LRP2: variants seen among roughly 807,000 people sequenced by gnomAD.
The protein encoded by LRP2 is low-density lipoprotein receptor-related protein 2.
LRP2 carries 172 observed loss-of-function variants against 531.0 expected under a neutral mutation model. That is an observed-to-expected ratio of 0.32 (90% confidence interval 0.29 to 0.37). The LOEUF is 0.37. LRP2 is among the 10% of genes least tolerant of loss of function. LRP2 has a pLI of 1.00. For missense variants in LRP2, 5,167 were observed against 5,868.3 expected (o/e 0.88, Z 3.90); for synonymous variants, 1,992 against 2,027.6 (o/e 0.98, Z 0.47).
In LRP2 at chr2:169,175,181, G is replaced by T. The variant is rs17848185; in HGVS notation, c.10768+12C>A. 1.2e-6 allele frequency: 2 copies of T among 1,613,626 alleles called. No individual in the cohort carries two copies. Among genetic ancestry groups the T allele is most frequent in the Non-Finnish European group, 1.7e-6 (2 of 1,179,736 alleles). On this transcript the variant is annotated intron_variant, in intron 55 of 78. Transcript: ENST00000649046. ...GAAGTCGGAAAAAGAGGCATAAAGC[G>T]ACTCAACACACCACAAAGAAGACGG...
At chr2:169,171,977 T>C (rs980885896) in intron 58 of LRP2, 38 bp downstream of exon 58, 3 of 1,613,152 alleles carry the variant, frequency 1.9e-6, no homozygotes, top group Admixed American at 3.3e-5. Flanking sequence ...ATCACAGCTC[T>C]GGTGGTATAT....
chr2:169,136,440 G>A (rs886170138), intron 76 of LRP2, among the ~76,000 whole-genome samples: 1 of 152,076 alleles, frequency 6.6e-6, no homozygotes, highest in African/African-American at 2.4e-5. Context: ...CCTGTGACCT[G>A]CATGTATACA....
intron 34 of LRP2, among the ~76,000 whole-genome samples, chr2:169,219,424 A>C (rs1362129077): frequency 2.0e-5 from 3 of 152,210 alleles, no homozygotes; most frequent in African/African-American, 7.2e-5. Flanking sequence ...AGAATGAAAT[A>C]GCCAATCAAA....
chr2:169,169,994 C>G (rs1686935826), intron 59 of LRP2, among the ~76,000 whole-genome samples, 176 bp from the exon 60 acceptor site: 1 of 152,180 alleles, frequency 6.6e-6, no homozygotes, highest in Non-Finnish European at 1.5e-5. Context: ...ACACTTTCCC[C>G]ACTCAACATA....
At position 169,174,025 on chromosome 2, in the gene LRP2, C is replaced by A. The variant is rs769199898; in HGVS notation, c.10908G>T (p.Arg3636=). ...DSSHCASRTC[R]PGQFRCANGR... is the part of the protein sequence containing the mutation. ...CATTAGCACACCGAAACTGGCCCGG[C>A]CGGCAGGTCCTGCTGGCACAGTGGG... is the stretch of plus-strand genomic sequence containing the variant. Residue 3636 remains arginine (R), a synonymous_variant, in exon 56 of 79, where the codon CGG becomes CGT. Transcript: ENST00000649046. 1 of 1,614,230 alleles carries A rather than the reference C, an allele frequency of 6.2e-7. No individual in the cohort carries two copies. The highest frequency in any genetic ancestry group is 8.5e-7 in the Non-Finnish European group (1 of 1,180,042).
chr2:169,315,087 C>T (rs2105507425), intron 3 of LRP2, among the ~76,000 whole-genome samples: 2 of 152,264 alleles, frequency 1.3e-5, no homozygotes, highest in South Asian at 4.1e-4. Context: ...CAATTAAAAG[C>T]TCATTCAAAT....
intron 15 of LRP2, 63 bp from the exon 16 acceptor site, chr2:169,271,170 C>T: frequency 9.4e-7 from 1 of 1,062,366 alleles, no homozygotes; most frequent in Non-Finnish European, 1.4e-6. Flanking sequence ...CTCCCAAATT[C>T]CAGATAAATG....
chr2:169,201,554 T>A (rs984055012), intron 44 of LRP2, 74 bp downstream of exon 44: 109 of 1,589,738 alleles, frequency 6.9e-5, no homozygotes, highest in South Asian at 1.3e-4. Context: ...GCCTTTTTTT[T>A]ATATAATAAT....
At chr2:169,314,224 C>A (rs910584770) in intron 3 of LRP2, among the ~76,000 whole-genome samples, 2 of 148,218 alleles carry the variant, frequency 1.3e-5, no homozygotes, top group Non-Finnish European at 3.0e-5. Context: ...TAGTGAGATC[C>A]TTATATCTTA....
chr2:169,214,890 G>T (rs920941727), intron 35 of LRP2, among the ~76,000 whole-genome samples: 8 of 152,202 alleles, frequency 5.3e-5, no homozygotes, highest in African/African-American at 1.9e-4. Flanking sequence ...TGGCAGAAAA[G>T]ATCTGGGCAT....
At chr2:169,174,959 C>T (rs1687134314) in intron 55 of LRP2, among the ~76,000 whole-genome samples, 1 of 149,728 alleles carries the variant, frequency 6.7e-6, no homozygotes, top group South Asian at 2.1e-4. Context: ...TGAAGAGCCA[C>T]CAGTAGAGAC....
At chr2:169,297,148 A>T (rs766477879) in intron 4 of LRP2, among the ~76,000 whole-genome samples, 76 of 152,336 alleles carry the variant, frequency 5.0e-4, no homozygotes, top group Non-Finnish European at 8.8e-4. Flanking sequence ...ACACAGAGAC[A>T]ACAGGTCCAA....
chr2:169,254,512 A>C (rs1259072434), intron 19 of LRP2, among the ~76,000 whole-genome samples: 5 of 60,744 alleles, frequency 8.2e-5, no homozygotes, highest in South Asian at 1.9e-3. Context: ...GGGAGGGGGG[A>C]GGGATAGCAT....
intron 62 of LRP2, among the ~76,000 whole-genome samples, chr2:169,165,607 C>G (rs897726761): frequency 3.3e-5 from 5 of 152,266 alleles, no homozygotes; most frequent in Middle Eastern, 3.4e-3. Flanking sequence ...TATTAATTTG[C>G]GAGGTGTGGC....
intron 67 of LRP2, among the ~76,000 whole-genome samples, chr2:169,151,529 GC>G (rs1686127168): frequency 6.6e-6 from 1 of 152,066 alleles, no homozygotes; most frequent in Non-Finnish European, 1.5e-5. Context: ...TCAGGAAAGA[GC>G]CCCGTTAGAA....
At chr2:169,335,221 G>A (rs964487629) in intron 1 of LRP2, among the ~76,000 whole-genome samples, 5 of 152,118 alleles carry the variant, frequency 3.3e-5, no homozygotes, top group African/African-American at 1.2e-4. Context: ...CCTACGATGA[G>A]CATTTTTATT....
At chr2:169,318,687 T>C in intron 3 of LRP2, 75 bp downstream of exon 3, 2 of 1,598,858 alleles carry the variant, frequency 1.3e-6, no homozygotes, top group Non-Finnish European at 1.7e-6. Flanking sequence ...CATCCCATTG[T>C]GTGTAACTTC....
chr2:169,201,951 A>G, intron 43 of LRP2, 81 bp from the exon 44 acceptor site: 1 of 1,561,700 alleles, frequency 6.4e-7, no homozygotes, highest in East Asian at 2.4e-5. Context: ...ATTAAATAAA[A>G]GAGACACTTT....
rs1687257690 is a variant in LRP2 at position 169,177,853 on chromosome 2, G to A, written c.10343C>T (p.Thr3448Ile). The change falls in exon 53 of 79, where the codon ACA becomes ATA. Residue 3448 changes from threonine to isoleucine, a missense_variant. Physicochemically the swap from Thr to Ile is moderately conservative, Grantham distance 89 (BLOSUM62 -1). Around this residue, in one of 6 missense-constraint regions of LRP2, gnomAD observed 1,129 missense variants for 1,362.7 expected, o/e 0.83. Transcript: ENST00000649046. ...CACATGGATGTCAAATGGTCTGTGTGTTGTGTTCACCAGTGTCTGTCTATT... is the reference window on the plus strand; with the variant it reads ...CACATGGATGTCAAATGGTCTGTGTATTGTGTTCACCAGTGTCTGTCTATT... Reference protein sequence around the residue: ...GSNRQTLVNTTHRPFDIHVYH... With the variant: ...GSNRQTLVNTIHRPFDIHVYH... 1.9e-6 allele frequency: 3 copies of A among 1,614,236 alleles called. No individual in the cohort carries two copies. Among genetic ancestry groups the A allele is most frequent in the Middle Eastern group, 1.6e-4 (1 of 6,062 alleles).
Sources: gnomAD v4.1 joint callset for allele counts (sites outside exome capture counted in the v4.1 genomes callset) on GRCh38, gnomAD v4.1.1 for gene constraint, gnomAD v4.1.1 regional missense constraint, MANE v1.5 for transcripts, NCBI Gene and HGNC (gene_info 2026-07-23, HGNC 2026-07-21) for gene names.